The following PPP2R2C variants were observed in gnomAD, a reference collection of about 807,000 sequenced individuals.
PPP2R2C encodes protein phosphatase 2, regulatory subunit B, gamma.
PPP2R2C carries 10 observed loss-of-function variants against 45.3 expected under a neutral mutation model. The observed-to-expected ratio is 0.22, with a 90% CI of 0.14 to 0.37. The LOEUF is 0.37. Ranked by LOEUF, PPP2R2C falls within the 10% of genes least tolerant of loss-of-function variation. The probability of loss-of-function intolerance (pLI) is 1.00; values close to 1 mark genes in which losing one functional copy is unlikely to be tolerated. For synonymous variants in PPP2R2C, 257 were observed against 245.4 expected, an observed-to-expected ratio of 1.05 and a Z score of -0.44; for missense variants, 308 against 619.7, an observed-to-expected ratio of 0.50 and a Z score of 5.34.
At chr4:6,504,995 C>T (rs115952923) in intron 2 of PPP2R2C, among the ~76,000 whole-genome samples, 1,556 of 152,182 alleles carry the variant, frequency 0.01, 24 homozygotes, top group African/African-American at 0.036. Context: ...CATAAAGGCA[C>T]GTCATAGTTA....
intron 1 of PPP2R2C, among the ~76,000 whole-genome samples, chr4:6,464,416 G>C (rs560814923): frequency 2.0e-5 from 3 of 152,258 alleles, no homozygotes; most frequent in African/African-American, 7.2e-5. Context: ...GCTAGGTCCC[G>C]CAGTGGCACC....
intron 1 of PPP2R2C, among the ~76,000 whole-genome samples, chr4:6,549,363 G>T (rs1157106883): frequency 6.6e-6 from 1 of 152,118 alleles, no homozygotes; most frequent in Non-Finnish European, 1.5e-5. Context: ...TTTGCACCTG[G>T]ATCCAGTGAC....
intron 1 of PPP2R2C, among the ~76,000 whole-genome samples, chr4:6,408,302 A>C (rs562552058): frequency 2.6e-5 from 4 of 152,350 alleles, no homozygotes; most frequent in African/African-American, 9.6e-5. Context: ...TGATACTAAC[A>C]GTAGAACTGG....
In PPP2R2C at chr4:6,471,917, G is replaced by GAA. The variant is rs1721909063; in HGVS notation, c.70+242_70+243insTT. Among the ~76,000 whole-genome samples, 1 of 151,148 alleles carries GAA rather than the reference G, an allele frequency of 6.6e-6. No individual in the cohort carries two copies. The highest frequency in any genetic ancestry group is 1.5e-5 in the Non-Finnish European group (1 of 67,718). On this transcript the variant is annotated intron_variant, in intron 1 of 8. Transcript: ENST00000382599. The surrounding 1 kb of genome is among the most constrained non-coding windows in gnomAD (Gnocchi z 5.6). ...AAAGCTGCCTCCCGGAGGGCGGCGC[G>GAA]GAGGAGGGCGCTGCCCTGTGCCGGC...
intron 2 of PPP2R2C, among the ~76,000 whole-genome samples, chr4:6,527,822 C>T (rs989275278): frequency 1.1e-4 from 17 of 152,280 alleles, no homozygotes; most frequent in African/African-American, 3.8e-4. Flanking sequence ...CAATGGCCAC[C>T]CGAGAAGTGA....
At chr4:6,513,606 CTCAAG>C (rs1246951391) in intron 2 of PPP2R2C, among the ~76,000 whole-genome samples, 1 of 152,222 alleles carries the variant, frequency 6.6e-6, no homozygotes. Flanking sequence ...CTGGAGGAGT[CTCAAG>C]TAGGTAGGGT....
At chr4:6,383,123 G>A in intron 1 of PPP2R2C, 1 of 1,113,538 alleles carries the variant, frequency 9.0e-7, no homozygotes, top group South Asian at 2.1e-5. Context: ...AGATGCAAAG[G>A]GGCTTAGGTA....
At chr4:6,385,052 A>G (rs1716120914) in intron 1 of PPP2R2C, among the ~76,000 whole-genome samples, 1 of 152,218 alleles carries the variant, frequency 6.6e-6, no homozygotes, top group Non-Finnish European at 1.5e-5. Context: ...GACTCCAGGA[A>G]TAATGAATCA....
At chr4:6,498,936 CCTCT>C (rs1382618859) in intron 2 of PPP2R2C, among the ~76,000 whole-genome samples, 1 of 152,056 alleles carries the variant, frequency 6.6e-6, no homozygotes, top group African/African-American at 2.4e-5. Context: ...CTCCCTCTCC[CCTCT>C]CTCTCCTCTC....
intron 1 of PPP2R2C, among the ~76,000 whole-genome samples, chr4:6,431,250 T>A (rs60280779): frequency 0.083 from 12,573 of 152,260 alleles, 1,741 homozygotes; most frequent in African/African-American, 0.29. Context: ...TTCCATGGTA[T>A]AAATACCCCT....
chr4:6,435,737 T>A (rs143139946), intron 1 of PPP2R2C, among the ~76,000 whole-genome samples: 1 of 152,336 alleles, frequency 6.6e-6, no homozygotes, highest in African/African-American at 2.4e-5. Context: ...TAAGATCAGA[T>A]GCCACAGGCT....
chr4:6,334,697 T>C (rs1458319160), intron 6 of PPP2R2C, among the ~76,000 whole-genome samples: 1 of 152,092 alleles, frequency 6.6e-6, no homozygotes, highest in Non-Finnish European at 1.5e-5. Flanking sequence ...GTGGTGGAGT[T>C]GACAGCCATT....
At chr4:6,558,928 C>T (rs983200668) in intron 1 of PPP2R2C, among the ~76,000 whole-genome samples, 1 of 152,186 alleles carries the variant, frequency 6.6e-6, no homozygotes, top group Admixed American at 6.5e-5. Context: ...CTCACAGGTG[C>T]CCATCCTGGG....
At chr4:6,411,411 G>T (rs1718184486) in intron 1 of PPP2R2C, among the ~76,000 whole-genome samples, 1 of 152,136 alleles carries the variant, frequency 6.6e-6, no homozygotes, top group South Asian at 2.1e-4. Flanking sequence ...GGAGCAGCAG[G>T]AAGGAGGTGT....
In PPP2R2C at chr4:6,418,791, G is replaced by A. The variant is rs1470020195; in HGVS notation, c.71-37697C>T. ...AAGACCTGCCCCTGCCTGCTGGGTGGTCAGAGAGGCTTCCAGAAACGTTCC... is the reference window on the plus strand; with the variant it reads ...AAGACCTGCCCCTGCCTGCTGGGTGATCAGAGAGGCTTCCAGAAACGTTCC... On this transcript the variant is annotated intron_variant, in intron 1 of 8. Coordinates refer to ENST00000382599, the MANE Select transcript of PPP2R2C (RefSeq NM_020416.4). Among the ~76,000 whole-genome samples, 4 of 152,374 alleles carry A rather than the reference G, an allele frequency of 2.6e-5. No individual in the cohort carries two copies. The East Asian group carries it at 7.7e-4, about 29-fold the overall frequency.
rs10604483 is a variant in PPP2R2C at position 6,341,338 on chromosome 4, CAAA to C, written c.790+6505_790+6507del. On this transcript the variant is annotated intron_variant, in intron 6 of 8. Transcript: ENST00000382599. ...TGGGCAATAGAATGAGACTCCATTT[CAAA>C]AAAAAAAAAAAAAAAAACCCAGCTC... is the stretch of plus-strand genomic sequence containing the variant. Among the ~76,000 whole-genome samples, 151 of 91,288 alleles carry C rather than the reference CAAA, an allele frequency of 1.7e-3. 1 individual carries two copies. The highest frequency in any genetic ancestry group is 4.0e-3 in the East Asian group (12 of 2,980). 59.9% of individuals were successfully genotyped at this position (91,288 alleles called of 152,430 possible).
At chr4:6,395,305 C>G (rs1313923990) in intron 1 of PPP2R2C, among the ~76,000 whole-genome samples, 1 of 152,154 alleles carries the variant, frequency 6.6e-6, no homozygotes, top group Non-Finnish European at 1.5e-5. Context: ...ATTTATCTGA[C>G]AAGTATTAAC....
rs901828387 is a variant in PPP2R2C at position 6,382,445 on chromosome 4, C to A, written c.71-1351G>T. 3 of 1,352,060 alleles carry A rather than the reference C, an allele frequency of 2.2e-6. No individual in the cohort carries two copies. The South Asian group carries it at 3.4e-5, about 15-fold the overall frequency. 83.8% of individuals were successfully genotyped at this position (1,352,060 alleles called of 1,614,324 possible). Reference sequence around the variant, plus strand: ...CCTCTGTTCTCCCTCTGGCGGCCAACGTGATGACCAAACTCCTGAGCCAGT... The same window carrying A: ...CCTCTGTTCTCCCTCTGGCGGCCAAAGTGATGACCAAACTCCTGAGCCAGT... On this transcript the variant is annotated intron_variant, in intron 1 of 8. Coordinates refer to ENST00000382599, the MANE Select transcript of PPP2R2C (RefSeq NM_020416.4).
At chr4:6,390,796 T>C (rs1716575910) in intron 1 of PPP2R2C, among the ~76,000 whole-genome samples, 1 of 152,218 alleles carries the variant, frequency 6.6e-6, no homozygotes, top group South Asian at 2.1e-4. Flanking sequence ...CACCTAGTCC[T>C]GGCTCATCAT....
Sources: allele counts gnomAD v4.1 joint callset (sites outside exome capture counted in the v4.1 genomes callset), GRCh38; gene constraint gnomAD v4.1.1; non-coding constraint Gnocchi (gnomAD v3.1); transcripts MANE v1.5; gene names NCBI Gene and HGNC (gene_info 2026-07-23, HGNC 2026-07-21).